The following MAD1L1 variants were observed in gnomAD, a reference collection of about 807,000 sequenced individuals.
MAD1L1 encodes mitotic spindle assembly checkpoint protein MAD1.
MAD1L1 carries 95 observed loss-of-function variants against 96.9 expected under a neutral mutation model. The observed-to-expected ratio is 0.98, with a 90% confidence interval of 0.83 to 1.16. The LOEUF is 1.16. Among genes scored for constraint, MAD1L1 ranks in the 50% most tolerant of loss-of-function variants. The pLI, the probability that MAD1L1 is intolerant of heterozygous loss-of-function variation, is 0.00. For missense variants in MAD1L1, 1,007 were observed against 954.4 expected (o/e 1.06, Z -0.73); for synonymous variants, 473 against 396.6 (o/e 1.19, Z -2.29).
At position 1,816,201 on chromosome 7, in the gene MAD1L1, G is replaced by T. The variant is rs1190333751; in HGVS notation, c.2026C>A (p.Gln676Lys). The T allele has an allele frequency of 1.2e-6, 2 of 1,613,058 alleles. No individual in the cohort carries two copies. The highest frequency in any genetic ancestry group is 3.3e-5 in the Admixed American group (2 of 59,974). ...KATSPSGSKM[Q>K]LLETEFSHTV... ...TGTGAGAACTCTGTCTCCAGTAGCT[G>T]CATCTTGGAACCCGAGGGGCTGGTG... Residue 676 changes from glutamine (Q) to lysine (K), a missense_variant, in exon 19 of 19, where the codon CAG (glutamine) becomes AAG (lysine). By Grantham distance (53) the Gln-to-Lys change is moderately conservative. Coordinates refer to ENST00000265854, the MANE Select transcript of MAD1L1 (RefSeq NM_001013836.2).
chr7:2,174,790 A>G (rs1220296814), intron 10 of MAD1L1, among the ~76,000 whole-genome samples: 3 of 152,140 alleles, frequency 2.0e-5, no homozygotes, highest in Admixed American at 2.0e-4. Flanking sequence ...GAGGATGCTT[A>G]TGAGAGGTTT....
At chr7:2,196,621 G>A (rs1316726259) in intron 10 of MAD1L1, among the ~76,000 whole-genome samples, 1 of 152,216 alleles carries the variant, frequency 6.6e-6, no homozygotes, top group African/African-American at 2.4e-5. Flanking sequence ...TAAATGTTCA[G>A]ATGAACAAAC....
At chr7:2,029,414 G>C (rs1584125810) in intron 12 of MAD1L1, among the ~76,000 whole-genome samples, 2 of 152,168 alleles carry the variant, frequency 1.3e-5, no homozygotes, top group African/African-American at 4.8e-5. Flanking sequence ...AGGTGGAGGA[G>C]CCGGCAGGTG....
intron 10 of MAD1L1, among the ~76,000 whole-genome samples, chr7:2,212,299 C>A (rs529120604): frequency 6.6e-6 from 1 of 152,238 alleles, no homozygotes; most frequent in Non-Finnish European, 1.5e-5. Context: ...ACCACCCAAG[C>A]GCTGGCACTC....
chr7:2,064,580 G>A (rs535003511), intron 12 of MAD1L1, among the ~76,000 whole-genome samples: 3 of 152,300 alleles, frequency 2.0e-5, no homozygotes, highest in African/African-American at 7.2e-5. Flanking sequence ...CTCCTAGGAG[G>A]ACAGTGGCTT....
chr7:2,110,984 C>G (rs1425611519), intron 11 of MAD1L1, among the ~76,000 whole-genome samples: 1 of 152,178 alleles, frequency 6.6e-6, no homozygotes, highest in Non-Finnish European at 1.5e-5. Flanking sequence ...CCCCATCCCT[C>G]CCTCGAGTCC....
intron 18 of MAD1L1, among the ~76,000 whole-genome samples, chr7:1,895,155 G>A (rs1786787621): frequency 6.6e-6 from 1 of 152,212 alleles, no homozygotes; most frequent in South Asian, 2.1e-4. Flanking sequence ...GGTGGGCCTT[G>A]ATGCTGGGGT....
At chr7:1,952,356 C>T (rs1779537224) in intron 16 of MAD1L1, among the ~76,000 whole-genome samples, 2 of 152,196 alleles carry the variant, frequency 1.3e-5, no homozygotes, top group African/African-American at 2.4e-5. Context: ...TCCTGTCCTT[C>T]CACGAGCCAC....
chr7:1,882,210 G>T (rs1785724939), intron 18 of MAD1L1, among the ~76,000 whole-genome samples: 1 of 152,238 alleles, frequency 6.6e-6, no homozygotes, highest in East Asian at 1.9e-4. Context: ...ACACCCCGGG[G>T]TGCCTCGGGA....
intron 14 of MAD1L1, among the ~76,000 whole-genome samples, chr7:1,994,355 G>A (rs554939004): frequency 1.3e-5 from 2 of 152,318 alleles, no homozygotes; most frequent in East Asian, 3.9e-4. Context: ...CAGGGGGCCT[G>A]AGGCTCCGCT....
chr7:1,973,196 G>T (rs1365291398), intron 15 of MAD1L1, among the ~76,000 whole-genome samples: 1 of 152,222 alleles, frequency 6.6e-6, no homozygotes, highest in East Asian at 1.9e-4. Context: ...GTCAGTCGTG[G>T]AGGCTGAGGT....
rs117847843 is a variant in MAD1L1, at chr7:2,116,765, C to T, written c.1073+32387G>A. 2.4e-3 allele frequency among the ~76,000 whole-genome samples: 367 copies of T among 152,322 alleles called. 1 individual carries two copies. The highest frequency in any genetic ancestry group is 8.5e-3 in the South Asian group (41 of 4,828). On this transcript the variant is annotated intron_variant, in intron 11 of 18. Transcript: ENST00000265854. ...CGGGGAGGAAGGCGTCTGGATGTCCCAGAGTTAGTGAGAGGGCCTTAGCCA... is the reference window on the plus strand; with the variant it reads ...CGGGGAGGAAGGCGTCTGGATGTCCTAGAGTTAGTGAGAGGGCCTTAGCCA...
intron 10 of MAD1L1, among the ~76,000 whole-genome samples, chr7:2,205,145 G>A (rs556079220): frequency 5.4e-4 from 75 of 138,310 alleles, no homozygotes; most frequent in Non-Finnish European, 9.3e-4. Context: ...ACTATGAGAG[G>A]AATGTAGTTT....
chr7:1,998,807 G>A (rs1458967925), intron 14 of MAD1L1, among the ~76,000 whole-genome samples: 1 of 151,364 alleles, frequency 6.6e-6, no homozygotes, highest in Non-Finnish European at 1.5e-5. Flanking sequence ...GCACTCAGGG[G>A]AACCAGACCC....
chr7:2,194,236 G>A (rs1637746), intron 10 of MAD1L1, among the ~76,000 whole-genome samples: 43,108 of 151,968 alleles, frequency 0.28, 7,146 homozygotes, highest in African/African-American at 0.45. Flanking sequence ...CGGGGATTAC[G>A]GGCGTGAGCC....
intron 11 of MAD1L1, among the ~76,000 whole-genome samples, chr7:2,104,163 G>T (rs1786963411): frequency 6.6e-6 from 1 of 152,208 alleles, no homozygotes; most frequent in Non-Finnish European, 1.5e-5. Context: ...CGGCAGGCTG[G>T]GCCTCCATTT....
intron 10 of MAD1L1, among the ~76,000 whole-genome samples, chr7:2,188,903 T>C (rs1354119936): frequency 1.3e-5 from 2 of 151,954 alleles, no homozygotes; most frequent in African/African-American, 2.4e-5. Context: ...ACACAACCTA[T>C]AGAATGGGAG....
chr7:2,221,248 A>C (rs1793591631), intron 5 of MAD1L1, among the ~76,000 whole-genome samples: 1 of 151,922 alleles, frequency 6.6e-6, no homozygotes, highest in South Asian at 2.1e-4. Flanking sequence ...CCATGGAACC[A>C]CAGGTGCCCG....
intron 11 of MAD1L1, among the ~76,000 whole-genome samples, chr7:2,101,610 C>T (rs1047996893): frequency 2.0e-5 from 3 of 152,114 alleles, no homozygotes; most frequent in Non-Finnish European, 4.4e-5. Flanking sequence ...TGGCGTGAGA[C>T]TGGGGCTCCA....
Sources: allele counts gnomAD v4.1 joint callset (sites outside exome capture counted in the v4.1 genomes callset), GRCh38; gene constraint gnomAD v4.1.1; transcripts MANE v1.5; gene names NCBI Gene and HGNC (gene_info 2026-07-23, HGNC 2026-07-21).